FAM171A1: variants seen among roughly 807,000 people sequenced by gnomAD.
FAM171A1 encodes the protein protein FAM171A1.
FAM171A1 carries 23 observed loss-of-function variants against 74.9 expected under a neutral mutation model. The ratio of observed to expected loss-of-function variants is 0.31; its 90% confidence interval spans 0.22 to 0.44. The LOEUF (loss-of-function observed/expected upper bound fraction) is 0.44. FAM171A1 is among the 20% of genes least tolerant of loss of function. The pLI is 1.00. For synonymous variants in FAM171A1, 527 were observed against 505.7 expected, an observed-to-expected ratio of 1.04 and a Z score of -0.57; for missense variants, 1,162 against 1,159.2, an observed-to-expected ratio of 1.00 and a Z score of -0.03.
intron 1 of FAM171A1, among the ~76,000 whole-genome samples, chr10:15,357,777 G>A (rs1835951122): frequency 6.6e-6 from 1 of 152,134 alleles, no homozygotes; most frequent in Non-Finnish European, 1.5e-5. Flanking sequence ...TAAGTAATAA[G>A]GCAAGCATAA....
At chr10:15,249,765 C>G (rs751521039) in intron 4 of FAM171A1, among the ~76,000 whole-genome samples, 31 of 152,146 alleles carry the variant, frequency 2.0e-4, no homozygotes, top group Non-Finnish European at 3.7e-4. Flanking sequence ...CCATTAAAGG[C>G]CTTTGGTCCA....
intron 3 of FAM171A1, among the ~76,000 whole-genome samples, chr10:15,266,866 CAAAAAAAAAA>C (rs1156974565): frequency 3.6e-5 from 2 of 55,244 alleles, no homozygotes; most frequent in Admixed American, 3.9e-4. Flanking sequence ...GAGACTGTTT[CAAAAAAAAAA>C]AAAAAAAAAA....
intron 3 of FAM171A1, among the ~76,000 whole-genome samples, chr10:15,258,101 C>T (rs185545762): frequency 2.2e-4 from 33 of 152,202 alleles, no homozygotes; most frequent in African/African-American, 7.9e-4. Flanking sequence ...TGCTCTGTTG[C>T]CCAGGCTGGA....
At chr10:15,248,549 A>G in intron 5 of FAM171A1, 90 bp downstream of exon 5, 1 of 1,389,682 alleles carries the variant, frequency 7.2e-7, no homozygotes. Context: ...GACTTCAAGG[A>G]AAGGAGACTT....
chr10:15,304,740 CTCTG>C (rs751897471), intron 1 of FAM171A1, among the ~76,000 whole-genome samples: 6 of 152,034 alleles, frequency 3.9e-5, no homozygotes, highest in Non-Finnish European at 5.9e-5. Flanking sequence ...CTCCCTCTCT[CTCTG>C]TCTTTTTCTC....
chr10:15,359,035 C>T (rs181057192), intron 1 of FAM171A1, among the ~76,000 whole-genome samples: 53 of 152,228 alleles, frequency 3.5e-4, no homozygotes, highest in Middle Eastern at 3.4e-3. Context: ...ACGCTGCATG[C>T]GATTGATGTG....
At chr10:15,264,955 T>C (rs1454060563) in intron 3 of FAM171A1, among the ~76,000 whole-genome samples, 2 of 152,088 alleles carry the variant, frequency 1.3e-5, no homozygotes, top group Non-Finnish European at 2.9e-5. Flanking sequence ...AATGATCCAT[T>C]ATTATCATTG....
intron 1 of FAM171A1, among the ~76,000 whole-genome samples, chr10:15,330,713 C>T (rs10796278): frequency 0.097 from 7,516 of 77,450 alleles, 574 homozygotes; most frequent in Middle Eastern, 0.15. Flanking sequence ...TCTTCTTCTT[C>T]TTTTTTTTTT....
At chr10:15,227,891 C>A (rs1424116456) in intron 5 of FAM171A1, among the ~76,000 whole-genome samples, 2 of 152,188 alleles carry the variant, frequency 1.3e-5, no homozygotes, top group Non-Finnish European at 2.9e-5. Flanking sequence ...AACTGACAGG[C>A]AGGGAAAGAT....
rs150508098 is a variant in FAM171A1, at chr10:15,293,836, T to C, written c.98-9731A>G. ...TTGAAGCTGGTGCTGGAAGGGTGGGTACCACGGGCAGATGAGTCTTTGTGG... is the reference window on the plus strand; with the variant it reads ...TTGAAGCTGGTGCTGGAAGGGTGGGCACCACGGGCAGATGAGTCTTTGTGG... On this transcript the variant is annotated intron_variant, in intron 1 of 7. Coordinates refer to ENST00000378116, the MANE Select transcript of FAM171A1 (RefSeq NM_001010924.2). Among the ~76,000 whole-genome samples, 676 of 152,206 alleles carry C rather than the reference T, an allele frequency of 4.4e-3. 6 individuals are homozygous for C. The highest frequency in any genetic ancestry group is 0.015 in the African/African-American group (633 of 41,522).
chr10:15,352,186 C>A (rs1193145233), intron 1 of FAM171A1, among the ~76,000 whole-genome samples: 1 of 151,912 alleles, frequency 6.6e-6, no homozygotes, highest in Non-Finnish European at 1.5e-5. Context: ...TTGCAATGAG[C>A]CGAAATCACG....
upstream of FAM171A1, among the ~76,000 whole-genome samples, chr10:15,371,651 T>C (rs991734310): frequency 1.3e-5 from 2 of 152,174 alleles, no homozygotes; most frequent in Non-Finnish European, 2.9e-5. Context: ...CAAGCCAGTA[T>C]AGACTGCAGT....
Position 15,212,804 on chromosome 10 carries a change from C to T in FAM171A1, c.*111G>A. 7.3e-7 allele frequency: 1 copy of T among 1,375,926 alleles called. No individual in the cohort carries two copies. Among genetic ancestry groups the T allele is most frequent in the Non-Finnish European group, 9.9e-7 (1 of 1,007,642 alleles). The allele number at this position is 1,375,926 out of a possible 1,614,324, so 85.2% of individuals were successfully genotyped here. On this transcript the variant is annotated 3_prime_UTR_variant, in exon 8 of 8. Transcript: ENST00000378116. Reference sequence around the variant, plus strand: ...ACAGGAATGCAGTAAACGTCCACGTCCGTCCCACGGCTGGGCTGCCGTTCC... The same window carrying T: ...ACAGGAATGCAGTAAACGTCCACGTTCGTCCCACGGCTGGGCTGCCGTTCC...
At chr10:15,310,196 G>A (rs771449377) in intron 1 of FAM171A1, among the ~76,000 whole-genome samples, 3 of 152,174 alleles carry the variant, frequency 2.0e-5, no homozygotes, top group Non-Finnish European at 4.4e-5. Flanking sequence ...TGGTGAGCAG[G>A]AATTTGGTGG....
chr10:15,261,500 A>C (rs1257863506), intron 3 of FAM171A1, among the ~76,000 whole-genome samples: 3 of 152,182 alleles, frequency 2.0e-5, no homozygotes, highest in Admixed American at 2.0e-4. Flanking sequence ...CATTACTCTA[A>C]TACAGAAAAG....
chr10:15,322,430 A>G (rs2131849077), intron 1 of FAM171A1, among the ~76,000 whole-genome samples: 1 of 152,316 alleles, frequency 6.6e-6, no homozygotes, highest in Non-Finnish European at 1.5e-5. Context: ...TAGTCTGCAG[A>G]TTTAAAGGAA....
At chr10:15,256,169 T>C (rs143111099) in intron 3 of FAM171A1, among the ~76,000 whole-genome samples, 10 of 152,330 alleles carry the variant, frequency 6.6e-5, no homozygotes, top group Middle Eastern at 3.4e-3. Flanking sequence ...TCAACAGCTC[T>C]GCACGGAGCT....
chr10:15,229,578 GTCA>G lies in FAM171A1; in HGVS notation c.755-8521_755-8519del, dbSNP rs554318870. On this transcript the variant is annotated intron_variant, in intron 5 of 7. Transcript: ENST00000378116. ...TGTCACCCCCATCACCATCACCAAC[GTCA>G]TCATCATCACCATCATCACCATCAC... 4.8e-3 allele frequency among the ~76,000 whole-genome samples: 302 copies of G among 62,588 alleles called. 4 individuals are homozygous for G. The highest frequency in any genetic ancestry group is 0.016 in the African/African-American group (265 of 16,356). 41.1% of individuals were successfully genotyped at this position (62,588 alleles called of 152,430 possible).
intron 1 of FAM171A1, among the ~76,000 whole-genome samples, chr10:15,289,532 GGC>G (rs1335889822): frequency 3.3e-5 from 5 of 152,050 alleles, no homozygotes; most frequent in Non-Finnish European, 7.4e-5. Context: ...CCTATTTCCA[GGC>G]CTTCACCATC....
Sources: gnomAD v4.1 joint callset for allele counts (sites outside exome capture counted in the v4.1 genomes callset) on GRCh38, gnomAD v4.1.1 for gene constraint, MANE v1.5 for transcripts, NCBI Gene and HGNC (gene_info 2026-07-23, HGNC 2026-07-21) for gene names.